CERS3: variants seen among roughly 807,000 people sequenced by gnomAD.
The protein encoded by CERS3 is LAG1 homolog, ceramide synthase 3.
In CERS3, 33 loss-of-function variants were observed where a neutral mutation model predicts 50.3. The observed-to-expected ratio is 0.66, with a 90% confidence interval of 0.50 to 0.88. CERS3 has a LOEUF of 0.88. CERS3 is among the 40% of genes least tolerant of loss of function. CERS3 has a pLI of 0.00. For missense variants in CERS3, 470 were observed against 460.3 expected (o/e 1.02, Z -0.19); for synonymous variants, 176 against 155.2 (o/e 1.13, Z -0.99).
intron 10 of CERS3, among the ~76,000 whole-genome samples, chr15:100,460,631 C>A (rs2034519534): frequency 6.6e-6 from 1 of 152,162 alleles, no homozygotes; most frequent in South Asian, 2.1e-4. Context: ...TGAATTTATT[C>A]CCTTCCTCCT....
intron 4 of CERS3, among the ~76,000 whole-genome samples, chr15:100,488,619 T>C (rs866091604): frequency 8.5e-5 from 13 of 152,236 alleles, no homozygotes; most frequent in African/African-American, 2.9e-4. Flanking sequence ...CTAGTGCTTT[T>C]AGGCTATGGA....
In CERS3 at chr15:100,463,551, G is replaced by A. The variant is rs147853568; in HGVS notation, c.845+5827C>T. Among the ~76,000 whole-genome samples the A allele has an allele frequency of 3.3e-5, 5 of 152,036 alleles. No individual in the cohort carries two copies. The East Asian group carries it at 5.8e-4, about 18-fold the overall frequency. On this transcript the variant is annotated intron_variant, in intron 10 of 11. Transcript: ENST00000679737. ...TTCTATGGTTTGAAGAGGGGTGATT[G>A]TTGTAGCTGTTCTTCGTGAACTCAA...
chr15:100,537,002 T>C (rs1053032384), intron 1 of CERS3, among the ~76,000 whole-genome samples: 7 of 152,242 alleles, frequency 4.6e-5, no homozygotes, highest in East Asian at 1.9e-4. Flanking sequence ...ATGAAGGCAA[T>C]GTCCCTGATC....
At chr15:100,507,765 T>C (rs2036226288) in intron 2 of CERS3, among the ~76,000 whole-genome samples, 1 of 152,244 alleles carries the variant, frequency 6.6e-6, no homozygotes, top group South Asian at 2.1e-4. Context: ...CAGATGCTTT[T>C]GTTGGGATTG....
intron 11 of CERS3, among the ~76,000 whole-genome samples, chr15:100,432,103 G>A (rs560446077): frequency 9.9e-5 from 15 of 150,858 alleles, no homozygotes; most frequent in South Asian, 2.1e-4. Flanking sequence ...GTCTTGTTCC[G>A]TTTCCAGGCT....
chr15:100,501,222 T>C (rs1282725733), intron 3 of CERS3, among the ~76,000 whole-genome samples: 1 of 152,234 alleles, frequency 6.6e-6, no homozygotes, highest in Non-Finnish European at 1.5e-5. Flanking sequence ...CTATACTATA[T>C]AGCAATATTT....
At chr15:100,424,459 A>G (rs2587833) in intron 11 of CERS3, among the ~76,000 whole-genome samples, 57,123 of 152,072 alleles carry the variant, frequency 0.38, 11,224 homozygotes, top group East Asian at 0.55. Flanking sequence ...CAAAATGCTC[A>G]TAGTGATAGG....
intron 11 of CERS3, among the ~76,000 whole-genome samples, chr15:100,451,546 A>C (rs1473566707): frequency 2.0e-5 from 3 of 152,146 alleles, no homozygotes; most frequent in African/African-American, 7.2e-5. Flanking sequence ...TACTAAAAAT[A>C]CAAAAACAAA....
chr15:100,538,188 G>A (rs2037118137), intron 1 of CERS3, among the ~76,000 whole-genome samples: 1 of 152,210 alleles, frequency 6.6e-6, no homozygotes, highest in Non-Finnish European at 1.5e-5. Flanking sequence ...CCTGCTCCCA[G>A]CTGTTTTCAC....
chr15:100,425,907 T>C (rs944044342), intron 11 of CERS3: 1 of 151,678 alleles, frequency 6.6e-6, no homozygotes, highest in African/African-American at 2.4e-5. Context: ...CTTGCTATTC[T>C]TGTGACAGTG....
upstream of CERS3, among the ~76,000 whole-genome samples, chr15:100,531,188 T>G (rs544711143): frequency 1.3e-5 from 2 of 152,380 alleles, no homozygotes; most frequent in Admixed American, 6.5e-5. Flanking sequence ...TATTTGCTGA[T>G]AAAATATAAT....
At chr15:100,477,595 T>G (rs2035173229) in intron 7 of CERS3, among the ~76,000 whole-genome samples, 1 of 152,186 alleles carries the variant, frequency 6.6e-6, no homozygotes, top group Non-Finnish European at 1.5e-5. Flanking sequence ...ACCCTGTTTC[T>G]TGAGAAGTAC....
intron 10 of CERS3, among the ~76,000 whole-genome samples, chr15:100,461,394 G>T (rs2034547227): frequency 6.6e-6 from 1 of 152,162 alleles, no homozygotes; most frequent in Admixed American, 6.5e-5. Flanking sequence ...GCAGAGAGGA[G>T]AGGCCAGTGG....
chr15:100,544,454 G>GCCTTGA (rs1347997768), intron 1 of CERS3: 1 of 141,072 alleles, frequency 7.1e-6, no homozygotes, highest in Non-Finnish European at 1.6e-5. Context: ...CCCTCTCTCG[G>GCCTTGA]CCTAGGTCTG....
intron 1 of CERS3, 147 bp from the exon 2 acceptor site, chr15:100,521,903 T>C (rs2036650106): frequency 6.6e-6 from 1 of 152,166 alleles, no homozygotes; most frequent in East Asian, 1.9e-4. Flanking sequence ...ACCAATCAGT[T>C]TGGACTGGTG....
At chr15:100,516,947 C>T (rs56336975) in intron 2 of CERS3, among the ~76,000 whole-genome samples, 19,300 of 152,164 alleles carry the variant, frequency 0.13, 1,472 homozygotes, top group African/African-American at 0.21. Context: ...ACCTAGCGAC[C>T]TGCTAATAAA....
intron 2 of CERS3, among the ~76,000 whole-genome samples, chr15:100,517,589 G>C (rs2036527001): frequency 6.6e-6 from 1 of 152,192 alleles, no homozygotes. Context: ...CACAGATAAA[G>C]AGGAAGCTGG....
chr15:100,445,896 C>T (rs1160411697), intron 11 of CERS3, among the ~76,000 whole-genome samples: 2 of 152,306 alleles, frequency 1.3e-5, no homozygotes, highest in Non-Finnish European at 2.9e-5. Context: ...GATGACAGTC[C>T]ACCACAAAAG....
intron 8 of CERS3, among the ~76,000 whole-genome samples, chr15:100,475,595 T>G (rs1023490021): frequency 6.6e-6 from 1 of 152,212 alleles, no homozygotes; most frequent in African/African-American, 2.4e-5. Flanking sequence ...TTAGCATGCC[T>G]GTGACTGAGT....
Sources: allele counts gnomAD v4.1 joint callset (sites outside exome capture counted in the v4.1 genomes callset), GRCh38; gene constraint gnomAD v4.1.1; transcripts MANE v1.5; gene names NCBI Gene and HGNC (gene_info 2026-07-23, HGNC 2026-07-21).